Variants in MOXD1 observed in about 807,000 individuals in gnomAD.
MOXD1 encodes DBH-like monooxygenase protein 1.
In MOXD1, 62 loss-of-function variants were observed where a neutral mutation model predicts 66.6. The observed-to-expected ratio is 0.93, with a 90% CI of 0.76 to 1.15. The LOEUF (loss-of-function observed/expected upper bound fraction) is 1.15, where lower values mean the gene tolerates loss of function less well. Ranked by LOEUF, MOXD1 falls within the 50% of genes most tolerant of loss-of-function variation. MOXD1 has a pLI of 0.00. For missense variants in MOXD1, 847 were observed against 754.6 expected, an observed-to-expected ratio of 1.12 and a Z score of -1.44; for synonymous variants, 303 against 281.9, an observed-to-expected ratio of 1.07 and a Z score of -0.75.
intron 8 of MOXD1, among the ~76,000 whole-genome samples, chr6:132,321,966 C>T (rs1775086087): frequency 6.6e-6 from 1 of 152,100 alleles, no homozygotes; most frequent in Non-Finnish European, 1.5e-5. Context: ...ACAGTTCATC[C>T]CATCTAAAAA....
chr6:132,323,497 C>T (rs1775123901), intron 7 of MOXD1, among the ~76,000 whole-genome samples: 1 of 151,978 alleles, frequency 6.6e-6, no homozygotes, highest in Admixed American at 6.6e-5. Context: ...TTCTTCTATC[C>T]TATATATTTT....
At chr6:132,378,875 CTTTTTTTTTTTTTTTTTTTTT>C (rs3038136) in intron 1 of MOXD1, among the ~76,000 whole-genome samples, 7,372 of 41,964 alleles carry the variant, frequency 0.18, 633 homozygotes, top group African/African-American at 0.31. Context: ...AACACTTCCT[CTTTTTTTTTTTTTTTTTTTTT>C]TTTTTTTTTT....
Position 132,392,959 on chromosome 6 carries a change from G to T in MOXD1, c.264+8204C>A, listed in dbSNP as rs191155789. On this transcript the variant is annotated intron_variant, in intron 1 of 11. Transcript: ENST00000367963. Reference sequence around the variant, plus strand: ...TAAAATCTGATTTCTTAACTCCACAGGTCTGCAGGTAAATGTCACACTGCC... The same window carrying T: ...TAAAATCTGATTTCTTAACTCCACATGTCTGCAGGTAAATGTCACACTGCC... Among the ~76,000 whole-genome samples, 11 of 152,340 alleles carry T rather than the reference G, an allele frequency of 7.2e-5. No homozygotes were observed. The East Asian group carries it at 2.1e-3, about 29-fold the overall frequency.
chr6:132,302,196 A>G (rs1774555812), intron 10 of MOXD1, among the ~76,000 whole-genome samples: 1 of 152,170 alleles, frequency 6.6e-6, no homozygotes, highest in Non-Finnish European at 1.5e-5. Flanking sequence ...GCTAGCAGAC[A>G]TTTGAGCTCA....
chr6:132,359,100 T>C (rs1775962590), intron 4 of MOXD1, among the ~76,000 whole-genome samples: 1 of 151,330 alleles, frequency 6.6e-6, no homozygotes. Flanking sequence ...ATCGTCCTCT[T>C]AGGAACTGCC....
chr6:132,338,722 T>C (rs983773974), intron 4 of MOXD1, among the ~76,000 whole-genome samples: 11 of 152,334 alleles, frequency 7.2e-5, no homozygotes, highest in East Asian at 1.9e-4. Context: ...ACACATTTTA[T>C]TGGGTTTGAT....
intron 4 of MOXD1, among the ~76,000 whole-genome samples, chr6:132,340,462 T>C (rs1276179468): frequency 7.8e-6 from 1 of 128,420 alleles, no homozygotes; most frequent in African/African-American, 3.4e-5. Context: ...TTTTTTTTTT[T>C]CTAAATGGGA....
chr6:132,370,936 T>G (rs1339900322), intron 4 of MOXD1, among the ~76,000 whole-genome samples: 1 of 152,124 alleles, frequency 6.6e-6, no homozygotes, highest in African/African-American at 2.4e-5. Flanking sequence ...CATAGAGGGT[T>G]GAAACATACA....
intron 1 of MOXD1, among the ~76,000 whole-genome samples, chr6:132,399,868 T>C (rs1337703090): frequency 6.6e-6 from 1 of 152,202 alleles, no homozygotes; most frequent in Non-Finnish European, 1.5e-5. Context: ...GGCCTGCATT[T>C]GTGGTCAAAT....
At position 132,401,211 on chromosome 6, in the gene MOXD1, G is replaced by A; in HGVS notation, c.216C>T (p.Ser72=). 6.4e-7 allele frequency: 1 copy of A among 1,562,842 alleles called. No individual in the cohort carries two copies. Among genetic ancestry groups the A allele is most frequent in the South Asian group, 1.2e-5 (1 of 86,162 alleles). Residue 72 remains serine, a synonymous_variant, in exon 1 of 12, where the codon TCC becomes TCT. Transcript: ENST00000367963. Reference sequence around the variant, plus strand: ...CCACCCCGCCCACGACGATGTCGGCGGACGCCATGGCCCCGGTGGGCGAGA... The same window carrying A: ...CCACCCCGCCCACGACGATGTCGGCAGACGCCATGGCCCCGGTGGGCGAGA... ...FGFSPTGAMA[S]ADIVVGGVAH...
intron 9 of MOXD1, 84 bp from the exon 10 acceptor site, chr6:132,315,861 T>C: frequency 7.4e-7 from 1 of 1,348,058 alleles, no homozygotes; most frequent in African/African-American, 1.5e-5. Context: ...TGTCATACAG[T>C]TCCTTCCAAT....
chr6:132,310,864 G>A (rs1342080061), intron 10 of MOXD1, among the ~76,000 whole-genome samples: 4 of 152,054 alleles, frequency 2.6e-5, no homozygotes, highest in Non-Finnish European at 5.9e-5. Flanking sequence ...GGGGTGAAGG[G>A]AGGGAATATA....
chr6:132,322,033 G>T (rs753303212), intron 8 of MOXD1, among the ~76,000 whole-genome samples: 1 of 152,158 alleles, frequency 6.6e-6, no homozygotes, highest in Non-Finnish European at 1.5e-5. Context: ...TTCGTAAATG[G>T]TATAGGGATC....
intron 10 of MOXD1, among the ~76,000 whole-genome samples, chr6:132,303,171 A>C (rs942486162): frequency 2.0e-5 from 3 of 152,110 alleles, no homozygotes; most frequent in African/African-American, 7.2e-5. Context: ...CAAACCAAAA[A>C]AATGATGAAA....
At chr6:132,384,035 G>C (rs750524891) in intron 1 of MOXD1, among the ~76,000 whole-genome samples, 1 of 152,144 alleles carries the variant, frequency 6.6e-6, no homozygotes, top group Admixed American at 6.5e-5. Context: ...ATCCACTGCA[G>C]TCCAGCCTGG....
At chr6:132,338,104 A>T (rs1775476912) in intron 4 of MOXD1, among the ~76,000 whole-genome samples, 1 of 152,182 alleles carries the variant, frequency 6.6e-6, no homozygotes, top group Admixed American at 6.5e-5. Flanking sequence ...TTATGTGTTT[A>T]GGTAAAAGAA....
intron 4 of MOXD1, among the ~76,000 whole-genome samples, chr6:132,347,896 T>C (rs1298313502): frequency 6.6e-6 from 1 of 152,126 alleles, no homozygotes; most frequent in African/African-American, 2.4e-5. Context: ...CTCTTTTTTT[T>C]TTCTTATTCT....
In MOXD1 at chr6:132,339,155, A is replaced by T. The variant is rs569277339; in HGVS notation, c.664-10561T>A. Among the ~76,000 whole-genome samples, 381 of 152,260 alleles carry T rather than the reference A, an allele frequency of 2.5e-3. 2 individuals are homozygous for T. The highest frequency in any genetic ancestry group is 8.8e-3 in the African/African-American group (365 of 41,550). ...AATATATTAAGGATTTGATTTTCTA[A>T]TTTTTATGTATAAGACTTAGCTATA... On this transcript the variant is annotated intron_variant, in intron 4 of 11. Transcript: ENST00000367963.
intron 4 of MOXD1, among the ~76,000 whole-genome samples, chr6:132,344,841 G>A (rs879423169): frequency 1.1e-4 from 17 of 152,150 alleles, no homozygotes; most frequent in Admixed American, 2.0e-4. Context: ...TGCCCAACTC[G>A]TGTCTCACTC....
Sources: gnomAD v4.1 joint callset for allele counts (sites outside exome capture counted in the v4.1 genomes callset) on GRCh38, gnomAD v4.1.1 for gene constraint, MANE v1.5 for transcripts, NCBI Gene and HGNC (gene_info 2026-07-23, HGNC 2026-07-21) for gene names.